Variants in DIS3L2 observed in about 807,000 individuals in gnomAD.
DIS3L2 encodes DIS3-like exonuclease 2.
DIS3L2 carries 34 observed loss-of-function variants against 97.5 expected under a neutral mutation model. That is an observed-to-expected ratio of 0.35 (90% CI 0.27 to 0.46). DIS3L2 has a LOEUF of 0.46. Among genes scored for constraint, DIS3L2 ranks in the 20% least tolerant of loss-of-function variants. DIS3L2 has a pLI of 1.00. For synonymous variants in DIS3L2, 435 were observed against 445.2 expected, an observed-to-expected ratio of 0.98 and a Z score of 0.29; for missense variants, 1,038 against 1,146.0, an observed-to-expected ratio of 0.91 and a Z score of 1.36.
chr2:232,122,073 C>T (rs1697923291), intron 6 of DIS3L2, among the ~76,000 whole-genome samples: 1 of 152,198 alleles, frequency 6.6e-6, no homozygotes, highest in South Asian at 2.1e-4. Context: ...CACCATTCTC[C>T]TATAGCTCCC....
intron 10 of DIS3L2, among the ~76,000 whole-genome samples, chr2:232,212,641 A>G (rs1559157525): frequency 6.6e-6 from 1 of 152,208 alleles, no homozygotes; most frequent in Non-Finnish European, 1.5e-5. Flanking sequence ...GGACAATGGA[A>G]AGGCAAGCAG....
chr2:232,062,037 C>G (rs551984145), intron 5 of DIS3L2, among the ~76,000 whole-genome samples: 2 of 143,758 alleles, frequency 1.4e-5, no homozygotes, highest in African/African-American at 5.0e-5. Flanking sequence ...TAGGTCATTA[C>G]TTATTCAGAG....
chr2:232,007,914 G>A (rs1171032621), intron 1 of DIS3L2, among the ~76,000 whole-genome samples: 1 of 152,082 alleles, frequency 6.6e-6, no homozygotes, highest in Admixed American at 6.5e-5. Context: ...TTCTTTTGAT[G>A]TTTGGTAGAA....
intron 1 of DIS3L2, among the ~76,000 whole-genome samples, chr2:232,005,322 C>T (rs1395084691): frequency 6.6e-6 from 1 of 152,016 alleles, no homozygotes; most frequent in East Asian, 1.9e-4. Context: ...TATAATGTTG[C>T]GTTGAGTCTG....
intron 14 of DIS3L2, among the ~76,000 whole-genome samples, chr2:232,323,217 G>T (rs1203117978): frequency 1.3e-5 from 2 of 152,224 alleles, no homozygotes; most frequent in Non-Finnish European, 2.9e-5. Flanking sequence ...TCTGCTTGGG[G>T]GCAGGGCCGC....
intron 5 of DIS3L2, among the ~76,000 whole-genome samples, chr2:232,055,761 G>C (rs1368967808): frequency 6.6e-6 from 1 of 152,200 alleles, no homozygotes; most frequent in Non-Finnish European, 1.5e-5. Flanking sequence ...TTGGTATTTA[G>C]TATAAGGAGA....
At chr2:232,160,129 A>G (rs1248011384) in intron 8 of DIS3L2, among the ~76,000 whole-genome samples, 1 of 152,154 alleles carries the variant, frequency 6.6e-6, no homozygotes, top group African/African-American at 2.4e-5. Context: ...GTCTTCATTA[A>G]ACTAGTTGGA....
Position 232,107,528 on chromosome 2 carries a change from G to A in DIS3L2, c.601+19807G>A, listed in dbSNP as rs555965689. Among the ~76,000 whole-genome samples the A allele has an allele frequency of 7.9e-5, 12 of 151,940 alleles. 1 individual carries two copies. The highest frequency in any genetic ancestry group is 4.6e-4 in the Admixed American group (7 of 15,252). On this transcript the variant is annotated intron_variant, in intron 6 of 20. Transcript: ENST00000325385. The stretch of plus-strand genomic sequence containing the variant: ...AGCCTGGCCAACATGGTGAAACCCC[G>A]TCTCTACTAAAAATACAAAAATTAG...
intron 13 of DIS3L2, among the ~76,000 whole-genome samples, chr2:232,297,467 ACACT>A (rs1284951456): frequency 6.6e-6 from 1 of 152,210 alleles, no homozygotes; most frequent in Non-Finnish European, 1.5e-5. Context: ...CAGGCATAAG[ACACT>A]CAGCTAAGAC....
At chr2:232,240,271 A>G (rs921391458) in intron 11 of DIS3L2, among the ~76,000 whole-genome samples, 1 of 152,224 alleles carries the variant, frequency 6.6e-6, no homozygotes, top group Non-Finnish European at 1.5e-5. Flanking sequence ...GGAGACTTGT[A>G]CAGCCGATTT....
At chr2:232,050,994 G>A (rs2106263662) in intron 5 of DIS3L2, among the ~76,000 whole-genome samples, 1 of 152,348 alleles carries the variant, frequency 6.6e-6, no homozygotes, top group South Asian at 2.1e-4. Context: ...TTTGCGAAAT[G>A]AAAATTAAGG....
chr2:232,265,947 A>G (rs564620982), intron 13 of DIS3L2, among the ~76,000 whole-genome samples: 1 of 152,372 alleles, frequency 6.6e-6, no homozygotes, highest in Admixed American at 6.5e-5. Flanking sequence ...ATATACATCT[A>G]TATAAATTAA....
At position 232,304,508 on chromosome 2, in the gene DIS3L2, G is replaced by A. The variant is rs7587555; in HGVS notation, c.1739+4389G>A. Among the ~76,000 whole-genome samples, 1,012 of 152,320 alleles carry A rather than the reference G, an allele frequency of 6.6e-3. 10 individuals carry two copies. Among genetic ancestry groups the A allele is most frequent in the African/African-American group, 0.023 (955 of 41,566 alleles). On this transcript the variant is annotated intron_variant, in intron 14 of 20. Coordinates refer to ENST00000325385, the MANE Select transcript of DIS3L2 (RefSeq NM_152383.5). ...TCGAGTGCTATGGCAGCAACGATGA[G>A]GAAAGTGAATGCTTCCGACTTTGGA...
In DIS3L2 at chr2:232,024,257, CTTTA is replaced by C; in HGVS notation, c.211-16_211-13del. 1 of 1,553,760 alleles carries C rather than the reference CTTTA, an allele frequency of 6.4e-7. No homozygotes were observed. The highest frequency in any genetic ancestry group is 8.7e-7 in the Non-Finnish European group (1 of 1,147,156). The stretch of plus-strand genomic sequence containing the variant: ...AAATATATAGCTAGATTTTCACAAA[CTTTA>C]TTTTTTGTTTTAAAGGGTGTATTGA... On this transcript the variant is annotated splice_polypyrimidine_tract_variant and intron_variant, in intron 3 of 20. Transcript: ENST00000325385.
intron 5 of DIS3L2, among the ~76,000 whole-genome samples, chr2:232,074,690 T>C (rs1242724795): frequency 6.6e-6 from 1 of 150,610 alleles, no homozygotes; most frequent in African/African-American, 2.4e-5. Flanking sequence ...GTCCCAATGA[T>C]CCTTCCTCCT....
At chr2:232,012,881 T>C (rs1694247676) in intron 1 of DIS3L2, among the ~76,000 whole-genome samples, 2 of 152,220 alleles carry the variant, frequency 1.3e-5, no homozygotes, top group African/African-American at 4.8e-5. Context: ...TCTTATCCAT[T>C]CTTGAACACT....
intron 14 of DIS3L2, among the ~76,000 whole-genome samples, chr2:232,319,609 C>T (rs902582636): frequency 6.6e-6 from 1 of 152,234 alleles, no homozygotes; most frequent in Non-Finnish European, 1.5e-5. Context: ...AATTCTCACC[C>T]AGGGGAGGCC....
Position 232,130,689 on chromosome 2 carries a change from A to G in DIS3L2, c.672A>G (p.Leu224=), listed in dbSNP as rs1303097181. ...GCATTTCACAAGACACAAGAGCTTT[A>G]TCGGAGAAATCCCTGCAAAGATCAG... ...TTCISQDTRA[L]SEKSLQRSAK... is the part of the protein sequence containing the mutation. Residue 224 remains leucine, a synonymous_variant, in exon 7 of 21, where the codon TTA becomes TTG. Coordinates refer to ENST00000325385, the MANE Select transcript of DIS3L2 (RefSeq NM_152383.5). 7 of 1,614,042 alleles carry G rather than the reference A, an allele frequency of 4.3e-6. No homozygotes were observed. The highest frequency in any genetic ancestry group is 5.9e-6 in the Non-Finnish European group (7 of 1,179,934).
chr2:232,044,149 GT>G (rs34374685), intron 5 of DIS3L2, among the ~76,000 whole-genome samples: 83,013 of 151,886 alleles, frequency 0.55, 23,914 homozygotes, highest in East Asian at 0.69. Context: ...TGAAAGGTCT[GT>G]GTAAGAGAGT....
Sources: allele counts gnomAD v4.1 joint callset (sites outside exome capture counted in the v4.1 genomes callset), GRCh38; gene constraint gnomAD v4.1.1; transcripts MANE v1.5; gene names NCBI Gene and HGNC (gene_info 2026-07-23, HGNC 2026-07-21).